The following PDS5B variants were observed in gnomAD, a reference collection of about 807,000 sequenced individuals.
PDS5B encodes the protein sister chromatid cohesion protein PDS5 homolog B.
In PDS5B, 51 loss-of-function variants were observed where a neutral mutation model predicts 184.1. That is an observed-to-expected ratio of 0.28 (90% confidence interval 0.22 to 0.35). The LOEUF (loss-of-function observed/expected upper bound fraction) is 0.35. Among genes scored for constraint, PDS5B ranks in the 10% least tolerant of loss-of-function variants. The probability of loss-of-function intolerance (pLI) is 1.00; values close to 1 mark genes in which losing one functional copy is unlikely to be tolerated. For missense variants in PDS5B, 1,180 were observed against 1,723.3 expected (o/e 0.68, Z 5.58); for synonymous variants, 566 against 569.2 (o/e 0.99, Z 0.08).
At position 32,727,762 on chromosome 13, in the gene PDS5B, T is replaced by G. The variant is rs76133278; in HGVS notation, c.2124-4339T>G. 6.1e-3 allele frequency among the ~76,000 whole-genome samples: 935 copies of G among 152,232 alleles called. 17 individuals carry two copies. The highest frequency in any genetic ancestry group is 0.022 in the African/African-American group (903 of 41,558). ...GAATAATAATATGCCTTGAAATGGT[T>G]TATCTTTTTTCTGCTTGAGGTTTAT... On this transcript the variant is annotated intron_variant, in intron 19 of 34. Transcript: ENST00000315596.
At chr13:32,653,150 C>T (rs565685548) in intron 3 of PDS5B, among the ~76,000 whole-genome samples, 9 of 152,068 alleles carry the variant, frequency 5.9e-5, no homozygotes, top group Admixed American at 2.0e-4. Context: ...AAAAATTAGC[C>T]GGCTGTGTTG....
At chr13:32,658,370 T>G (rs761820034) in intron 4 of PDS5B, 45 bp downstream of exon 4, 51 of 1,416,384 alleles carry the variant, frequency 3.6e-5, no homozygotes, top group Middle Eastern at 4.0e-4. Context: ...AAACTGATTT[T>G]TTTGTTTGTA....
At chr13:32,755,276 A>C (rs182237001) in intron 25 of PDS5B, among the ~76,000 whole-genome samples, 3 of 152,312 alleles carry the variant, frequency 2.0e-5, no homozygotes, top group East Asian at 1.9e-4. Flanking sequence ...CTCAGCCAAC[A>C]TACAAAAATA....
chr13:32,608,907 G>A (rs2058100683), intron 1 of PDS5B, among the ~76,000 whole-genome samples: 1 of 152,156 alleles, frequency 6.6e-6, no homozygotes, highest in African/African-American at 2.4e-5. Flanking sequence ...TTGACCTAGT[G>A]AACACAAATG....
rs1311617635 is a variant in PDS5B, at chr13:32,759,620, G to C, written c.3310-8G>C. On this transcript the variant is annotated splice_polypyrimidine_tract_variant and splice_region_variant and intron_variant, in intron 28 of 34. Coordinates refer to ENST00000315596, the MANE Select transcript of PDS5B (RefSeq NM_015032.4). The stretch of plus-strand genomic sequence containing the variant: ...TTCACTGACTACTTCTTTTTCTCTT[G>C]GTTGTAGAATTTCAGTAACACCAAA... 3 of 1,492,292 alleles carry C rather than the reference G, an allele frequency of 2.0e-6. No homozygotes were observed. Among genetic ancestry groups the C allele is most frequent in the African/African-American group, 1.4e-5 (1 of 72,146 alleles). 92.4% of individuals were successfully genotyped at this position (1,492,292 alleles called of 1,614,324 possible).
rs1403131573 is a variant in PDS5B at position 32,651,902 on chromosome 13, C to T, written c.207C>T (p.Leu69=). Residue 69 remains leucine, a synonymous_variant, in exon 3 of 35, where the codon CTC becomes CTT. Transcript: ENST00000315596. ...TACATCTTGCTTCAGATTTTTTTCT[C>T]AAGCATCCTGATAAAGATGTTCGCT... ...LALHLASDFF[L]KHPDKDVRLL... is the part of the protein sequence containing the mutation. 1.9e-6 allele frequency: 3 copies of T among 1,612,802 alleles called. No homozygotes were observed. The highest frequency in any genetic ancestry group is 3.3e-5 in the Admixed American group (2 of 60,006).
chr13:32,587,549 T>C (rs1424441522), intron 1 of PDS5B, among the ~76,000 whole-genome samples: 1 of 152,210 alleles, frequency 6.6e-6, no homozygotes, highest in South Asian at 2.1e-4. Context: ...AGCTAACTCT[T>C]AAGTAGCTCG....
At chr13:32,589,230 T>G (rs1380365365) in intron 1 of PDS5B, among the ~76,000 whole-genome samples, 1 of 133,922 alleles carries the variant, frequency 7.5e-6, no homozygotes, top group African/African-American at 2.7e-5. Context: ...GTGGTGGAAC[T>G]GGGGCAGCCC....
intron 1 of PDS5B, among the ~76,000 whole-genome samples, chr13:32,608,824 C>G (rs1197497022): frequency 1.3e-5 from 2 of 152,176 alleles, no homozygotes; most frequent in East Asian, 3.8e-4. Context: ...AGCCCAGTTG[C>G]TACCCTGTGC....
In PDS5B at chr13:32,770,662, C is replaced by T. The variant is rs1358332192; in HGVS notation, c.4073C>T (p.Ser1358Phe). The T allele has an allele frequency of 7.5e-6, 12 of 1,609,972 alleles. No homozygotes were observed. Among genetic ancestry groups the T allele is most frequent in the Non-Finnish European group, 9.3e-6 (11 of 1,178,454 alleles). The change falls in exon 33 of 35, where the codon TCT becomes TTT. Residue 1358 changes from serine to phenylalanine, a missense_variant. Physicochemically the swap from Ser to Phe is radical, Grantham distance 155. Transcript: ENST00000315596. ...GGTCTTCCCCAAAGCAGAGCAGAAT[C>T]TCCTGAATCTAGTGCAATTGAATCC... ...VSRRAQQRAE[S>F]PESSAIESTQ...
rs1954972251 is a variant in PDS5B at position 32,776,819 on chromosome 13, T to TCA, written c.*1767_*1768insCA. The TCA allele has an allele frequency of 6.6e-6, 1 of 152,518 alleles. No homozygotes were observed. The highest frequency in any genetic ancestry group is 2.4e-5 in the African/African-American group (1 of 41,472). The allele number at this position is 152,518 out of a possible 1,614,324, so 9.4% of individuals were successfully genotyped here. On this transcript the variant is annotated 3_prime_UTR_variant, in exon 35 of 35. Transcript: ENST00000315596. ...TCTTTTAAAGATTTGTTTGTGTTTATGAAACAGCCATTTATTTTTTAAAAA... is the reference window on the plus strand; with the variant it reads ...TCTTTTAAAGATTTGTTTGTGTTTATCAGAAACAGCCATTTATTTTTTAAAAA...
chr13:32,758,638 C>T lies in PDS5B; in HGVS notation c.3294C>T (p.Phe1098=). The T allele has an allele frequency of 6.2e-7, 1 of 1,613,566 alleles. No individual in the cohort carries two copies. The highest frequency in any genetic ancestry group is 8.5e-7 in the Non-Finnish European group (1 of 1,179,606). Residue 1098 remains phenylalanine, a synonymous_variant, in exon 28 of 35, where the codon TTC becomes TTT. Coordinates refer to ENST00000315596, the MANE Select transcript of PDS5B (RefSeq NM_015032.4). ...PKDPVLPARF[F]TQPDKNFSNT... ...ACCCGGTACTACCAGCTCGTTTCTT[C>T]ACTCAACCTGACAAGGTAGTTACTT...
At position 32,635,170 on chromosome 13, in the gene PDS5B, G is replaced by GTTTTTTTTTTTT. The variant is rs71071054; in HGVS notation, c.-19-13550_-19-13539dup. On this transcript the variant is annotated intron_variant, in intron 1 of 34. Transcript: ENST00000315596. ...TGCACCACCATGTCCAGCCAATTAC[G>GTTTTTTTTTTTT]TTTTTTTTTTTTTTTTTTTTTTTTT... Among the ~76,000 whole-genome samples, 8 of 81,120 alleles carry GTTTTTTTTTTTT rather than the reference G, an allele frequency of 9.9e-5. No homozygotes were observed. The East Asian group carries it at 1.1e-3, about 11-fold the overall frequency. 53.2% of individuals were successfully genotyped at this position (81,120 alleles called of 152,430 possible). A position where few individuals can be genotyped will look rare whatever the true frequency, so the allele number is the denominator to read the frequency against.
chr13:32,600,253 T>C (rs1008013578), intron 1 of PDS5B, among the ~76,000 whole-genome samples: 2 of 152,322 alleles, frequency 1.3e-5, no homozygotes, highest in African/African-American at 2.4e-5. Flanking sequence ...TTTTGACTCT[T>C]TTTTCCCCCT....
At chr13:32,617,442 A>G (rs1005517682) in intron 1 of PDS5B, among the ~76,000 whole-genome samples, 1 of 152,212 alleles carries the variant, frequency 6.6e-6, no homozygotes, top group Non-Finnish European at 1.5e-5. Flanking sequence ...ATATGTAAAT[A>G]TTGGAAAGGA....
At chr13:32,754,285 C>A (rs1954092887) in intron 25 of PDS5B, among the ~76,000 whole-genome samples, 1 of 152,112 alleles carries the variant, frequency 6.6e-6, no homozygotes, top group Non-Finnish European at 1.5e-5. Flanking sequence ...CTTGAAATTT[C>A]TGTTGATTCT....
intron 1 of PDS5B, among the ~76,000 whole-genome samples, chr13:32,609,799 C>G (rs2058113577): frequency 6.6e-6 from 1 of 151,418 alleles, no homozygotes; most frequent in South Asian, 2.1e-4. Context: ...TCTCAGCTTA[C>G]AGTAATGGAA....
chr13:32,626,759 ATT>A (rs2058376641), intron 1 of PDS5B, among the ~76,000 whole-genome samples: 1 of 152,030 alleles, frequency 6.6e-6, no homozygotes, highest in African/African-American at 2.4e-5. Context: ...GTGTCTCATC[ATT>A]TTTTCATGGA....
chr13:32,659,096 A>AAAG, intron 5 of PDS5B, 58 bp from the exon 6 acceptor site: 1 of 1,312,782 alleles, frequency 7.6e-7, no homozygotes, highest in East Asian at 2.5e-5. Flanking sequence ...GTGTCATCTT[A>AAAG]AGAGTAAATC....
Sources: allele counts gnomAD v4.1 joint callset (sites outside exome capture counted in the v4.1 genomes callset), GRCh38; gene constraint gnomAD v4.1.1; transcripts MANE v1.5; gene names NCBI Gene and HGNC (gene_info 2026-07-23, HGNC 2026-07-21).